Variants in UBE2V2 observed in about 807,000 individuals in gnomAD.
UBE2V2 encodes the protein ubiquitin-conjugating enzyme E2 variant 2.
Under a neutral mutation model 17.2 loss-of-function variants are expected in UBE2V2, and 9 were observed. That is an observed-to-expected ratio of 0.52 (90% confidence interval 0.32 to 0.91). The LOEUF (loss-of-function observed/expected upper bound fraction) is 0.91, where lower values mean the gene tolerates loss of function less well. Ranked by LOEUF, UBE2V2 falls within the 40% of genes least tolerant of loss-of-function variation. The pLI, the probability that UBE2V2 is intolerant of heterozygous loss-of-function variation, is 0.04. For missense variants in UBE2V2, 133 were observed against 182.6 expected (o/e 0.73, Z 1.56); for synonymous variants, 61 against 57.5 (o/e 1.06, Z -0.28).
chr8:48,013,556 G>A (rs572856430), intron 1 of UBE2V2, among the ~76,000 whole-genome samples: 1 of 152,044 alleles, frequency 6.6e-6, no homozygotes, highest in African/African-American at 2.4e-5. Context: ...TGATCCATCC[G>A]CCTCGGCCTC....
chr8:48,025,273 C>CTTT (rs1225705153), intron 1 of UBE2V2, among the ~76,000 whole-genome samples: 1 of 133,940 alleles, frequency 7.5e-6, no homozygotes, highest in African/African-American at 2.8e-5. Context: ...CTTTTCTTTT[C>CTTT]TTTTTTTTTT....
intron 1 of UBE2V2, among the ~76,000 whole-genome samples, chr8:48,010,945 G>A (rs1036856317): frequency 1.4e-5 from 2 of 139,522 alleles, no homozygotes; most frequent in Non-Finnish European, 3.1e-5. Context: ...TGTCCAGACT[G>A]GTCTCAAACT....
intron 3 of UBE2V2, among the ~76,000 whole-genome samples, chr8:48,054,727 C>A (rs905057120): frequency 3.3e-5 from 5 of 152,092 alleles, no homozygotes; most frequent in Non-Finnish European, 5.9e-5. Context: ...TTTAATACGA[C>A]GAGGCAAAGT....
chr8:48,045,659 C>A (rs534302276), intron 2 of UBE2V2, among the ~76,000 whole-genome samples: 1 of 152,122 alleles, frequency 6.6e-6, no homozygotes, highest in Non-Finnish European at 1.5e-5. Flanking sequence ...TCATCAGAGA[C>A]CCCCTCACTT....
intron 1 of UBE2V2, among the ~76,000 whole-genome samples, chr8:48,036,817 A>G (rs2091428305): frequency 6.6e-6 from 1 of 152,184 alleles, no homozygotes; most frequent in African/African-American, 2.4e-5. Context: ...CATTGTGTGC[A>G]TAGAATGTAT....
chr8:48,055,041 T>G (rs540055869), intron 3 of UBE2V2, among the ~76,000 whole-genome samples: 1 of 152,196 alleles, frequency 6.6e-6, no homozygotes, highest in Admixed American at 6.5e-5. Flanking sequence ...AATAGCTTGG[T>G]ATTCTCTCTA....
At chr8:48,004,649 G>C (rs1285468094), upstream of UBE2V2, among the ~76,000 whole-genome samples, 1 of 151,482 alleles carries the variant, frequency 6.6e-6, no homozygotes, top group Non-Finnish European at 1.5e-5. Flanking sequence ...CTCTGCCTCA[G>C]CCTCCCAAGT....
chr8:48,026,995 T>C (rs112973757), intron 1 of UBE2V2, among the ~76,000 whole-genome samples: 47 of 152,306 alleles, frequency 3.1e-4, no homozygotes, highest in Non-Finnish European at 5.6e-4. Flanking sequence ...GGAGACTTCT[T>C]TTTTTTCGAG....
At chr8:48,019,506 G>A (rs1453250093) in intron 1 of UBE2V2, among the ~76,000 whole-genome samples, 3 of 150,986 alleles carry the variant, frequency 2.0e-5, no homozygotes, top group African/African-American at 7.3e-5. Flanking sequence ...TCCAGCCTGG[G>A]CAACAGAGCG....
chr8:48,038,076 T>C (rs1473217983), intron 1 of UBE2V2, among the ~76,000 whole-genome samples: 1 of 152,138 alleles, frequency 6.6e-6, no homozygotes, highest in Non-Finnish European at 1.5e-5. Flanking sequence ...TCCCCACGCC[T>C]TTTTTGGCTC....
chr8:48,036,722 A>G (rs897765344), intron 1 of UBE2V2, among the ~76,000 whole-genome samples: 1 of 151,678 alleles, frequency 6.6e-6, no homozygotes, highest in Non-Finnish European at 1.5e-5. Context: ...GGCATGAGCC[A>G]CTGCCTGGCC....
upstream of UBE2V2, among the ~76,000 whole-genome samples, chr8:48,007,176 A>C (rs909771055): frequency 2.0e-5 from 3 of 152,070 alleles, no homozygotes; most frequent in South Asian, 6.2e-4. Flanking sequence ...CCCGGCCAAA[A>C]GCATTCCCTT....
Position 48,061,840 on chromosome 8 carries a change from T to C in UBE2V2, c.*1012T>C, listed in dbSNP as rs904241370. 6.6e-6 allele frequency: 1 copy of C among 152,230 alleles called. No homozygotes were observed. Among genetic ancestry groups the C allele is most frequent in the Non-Finnish European group, 1.5e-5 (1 of 68,044 alleles). The allele number at this position is 152,230 out of a possible 1,614,324, so 9.4% of individuals were successfully genotyped here. A position where few individuals can be genotyped will look rare whatever the true frequency, so the allele number is the denominator to read the frequency against. On this transcript the variant is annotated 3_prime_UTR_variant, in exon 4 of 4. Transcript: ENST00000523111. ...AGATCTTTGCATTCTGGCAGTTCTT[T>C]TAGGATTATAGGTTGCAAATTATCC...
chr8:48,049,059 A>T (rs2091518524), intron 2 of UBE2V2, among the ~76,000 whole-genome samples: 2 of 152,146 alleles, frequency 1.3e-5, no homozygotes, highest in African/African-American at 4.8e-5. Context: ...CAGAAAGAAG[A>T]GTTAATTTAT....
intron 3 of UBE2V2, among the ~76,000 whole-genome samples, chr8:48,057,592 T>C (rs2091581453): frequency 6.6e-6 from 1 of 152,056 alleles, no homozygotes; most frequent in Non-Finnish European, 1.5e-5. Flanking sequence ...CATGAGCCAC[T>C]GCACCCGACC....
intron 1 of UBE2V2, among the ~76,000 whole-genome samples, chr8:48,040,374 G>C (rs562066122): frequency 6.6e-6 from 1 of 152,074 alleles, no homozygotes; most frequent in Non-Finnish European, 1.5e-5. Flanking sequence ...CACCACTACT[G>C]TTCTTTAAAG....
At chr8:48,002,394 C>A in the UBE2V2 span, among the ~76,000 whole-genome samples, 2 of 152,150 alleles carry the variant, frequency 1.3e-5, no homozygotes, top group Non-Finnish European at 1.5e-5. Flanking sequence ...GTGGGTGAAC[C>A]TGGAGGACCT....
chr8:48,008,491 G>A (rs766198889), intron 1 of UBE2V2, 21 bp downstream of exon 1: 39 of 1,566,432 alleles, frequency 2.5e-5, no homozygotes, highest in Non-Finnish European at 3.2e-5. Flanking sequence ...GGGCCGGGCT[G>A]CGTGATTTTC....
At chr8:48,008,293 G>C (rs2091198784), upstream of UBE2V2, 1 of 812,456 alleles carries the variant, frequency 1.2e-6, no homozygotes, top group Admixed American at 4.4e-5. Flanking sequence ...ACAGCAGCGA[G>C]GCCCCGCGAC....
Sources: gnomAD v4.1 joint callset for allele counts (sites outside exome capture counted in the v4.1 genomes callset) on GRCh38, gnomAD v4.1.1 for gene constraint, MANE v1.5 for transcripts, NCBI Gene and HGNC (gene_info 2026-07-23, HGNC 2026-07-21) for gene names.